PTP4A1: variants seen among roughly 807,000 people sequenced by gnomAD.
PTP4A1 encodes the protein protein tyrosine phosphatase 4A1.
PTP4A1 carries 9 observed loss-of-function variants against 20.5 expected under a neutral mutation model. The ratio of observed to expected loss-of-function variants is 0.44; its 90% CI spans 0.26 to 0.77. PTP4A1 has a LOEUF of 0.77. PTP4A1 is among the 30% of genes least tolerant of loss of function. PTP4A1 has a pLI of 0.19. For missense variants in PTP4A1, 137 were observed against 218.8 expected, an observed-to-expected ratio of 0.63 and a Z score of 2.36; for synonymous variants, 78 against 67.4, an observed-to-expected ratio of 1.16 and a Z score of -0.77.
intron 2 of PTP4A1, among the ~76,000 whole-genome samples, chr6:63,548,282 T>C (rs1226369405): frequency 2.0e-5 from 3 of 152,208 alleles, no homozygotes; most frequent in Admixed American, 1.3e-4. Context: ...GTGACATAAC[T>C]TTTCTGTACC....
Position 63,579,040 on chromosome 6 carries a change from T to C in PTP4A1, c.329+12T>C. The stretch of plus-strand genomic sequence containing the variant: ...GCAGGCCTTGGGAGGTAAATGAATT[T>C]ATCAATTTGATTCTAGGTAAAAATC... On this transcript the variant is annotated intron_variant, in intron 4 of 5. Coordinates refer to ENST00000626021, the MANE Select transcript of PTP4A1 (RefSeq NM_003463.5). 2 of 1,563,112 alleles carry C rather than the reference T, an allele frequency of 1.3e-6. No homozygotes were observed. The highest frequency in any genetic ancestry group is 1.4e-5 in the African/African-American group (1 of 72,550).
At chr6:63,560,460 G>A (rs545073598) in intron 3 of PTP4A1, among the ~76,000 whole-genome samples, 1 of 149,918 alleles carries the variant, frequency 6.7e-6, no homozygotes, top group South Asian at 2.1e-4. Flanking sequence ...GGAAGGCAGT[G>A]CACATGATCT....
At chr6:63,556,523 T>C (rs1444043973) in intron 3 of PTP4A1, among the ~76,000 whole-genome samples, 2 of 152,140 alleles carry the variant, frequency 1.3e-5, no homozygotes, top group East Asian at 3.9e-4. Context: ...TTGCCCTAGG[T>C]GTGCCTTGTT....
chr6:63,577,533 G>T (rs1207945664), intron 2 of PTP4A1, among the ~76,000 whole-genome samples: 1 of 152,070 alleles, frequency 6.6e-6, no homozygotes, highest in Non-Finnish European at 1.5e-5. Flanking sequence ...TAGCAAATAG[G>T]CCTCTCAGAA....
intron 1 of PTP4A1, among the ~76,000 whole-genome samples, chr6:63,526,833 A>ATATATATATATATATATATATT (rs1486980690): frequency 7.8e-6 from 1 of 128,054 alleles, no homozygotes; most frequent in African/African-American, 3.2e-5. Flanking sequence ...ATATATATAT[A>ATATATATATATATATATATATT]TATTTATTTA....
intron 2 of PTP4A1, among the ~76,000 whole-genome samples, chr6:63,533,821 G>A (rs1443838660): frequency 6.9e-6 from 1 of 144,452 alleles, no homozygotes; most frequent in East Asian, 2.0e-4. Flanking sequence ...GCAAATTCCT[G>A]AACAAACTTT....
At chr6:63,539,802 C>G (rs1775877397) in intron 2 of PTP4A1, among the ~76,000 whole-genome samples, 1 of 151,758 alleles carries the variant, frequency 6.6e-6, no homozygotes, top group Non-Finnish European at 1.5e-5. Flanking sequence ...TATGAATAGG[C>G]AATCTTCAGA....
chr6:63,527,181 C>A (rs1257081312), intron 1 of PTP4A1, among the ~76,000 whole-genome samples: 1 of 152,154 alleles, frequency 6.6e-6, no homozygotes, highest in Admixed American at 6.5e-5. Flanking sequence ...TACAGTGAGT[C>A]TTCCTCAGAA....
In PTP4A1 at chr6:63,539,578, C is replaced by G. The variant is rs780222074; in HGVS notation, c.-639-10722C>G. Among the ~76,000 whole-genome samples the G allele has an allele frequency of 2.3e-4, 35 of 152,188 alleles. 1 individual carries two copies. Among genetic ancestry groups the G allele is most frequent in the Middle Eastern group, 6.8e-3 (2 of 292 alleles). On this transcript the variant is annotated intron_variant, in intron 2 of 3. Transcript: ENST00000639568. ...AGATCACGAGGTCAGGAGTTCAAGACCATCCTGGCCAACATGGTGAAACCC... is the reference window on the plus strand; with the variant it reads ...AGATCACGAGGTCAGGAGTTCAAGAGCATCCTGGCCAACATGGTGAAACCC...
At chr6:63,530,075 A>G (rs2149476905) in intron 2 of PTP4A1, among the ~76,000 whole-genome samples, 1 of 152,326 alleles carries the variant, frequency 6.6e-6, no homozygotes, top group South Asian at 2.1e-4. Context: ...GGCAAGGATA[A>G]TAACAGTATA....
upstream of PTP4A1, chr6:63,572,112 C>T (rs1200416834): frequency 6.6e-6 from 1 of 152,268 alleles, no homozygotes; most frequent in Non-Finnish European, 1.5e-5. Flanking sequence ...AACTTCGAGT[C>T]TCCTCATGTG....
intron 3 of PTP4A1, among the ~76,000 whole-genome samples, chr6:63,552,287 T>G (rs1001822991): frequency 1.3e-5 from 2 of 152,260 alleles, no homozygotes; most frequent in African/African-American, 2.4e-5. Flanking sequence ...TGGCCAGTGA[T>G]GGTGAGCATT....
chr6:63,566,056 C>A (rs1483199659), intron 3 of PTP4A1, among the ~76,000 whole-genome samples: 3 of 152,226 alleles, frequency 2.0e-5, no homozygotes, highest in African/African-American at 4.8e-5. Context: ...ACATTGTTGT[C>A]TGTTAAATGT....
upstream of PTP4A1, among the ~76,000 whole-genome samples, chr6:63,520,769 T>G (rs1774890715): frequency 6.6e-6 from 1 of 152,204 alleles, no homozygotes; most frequent in Non-Finnish European, 1.5e-5. Flanking sequence ...ATATGATTAG[T>G]GTCAGAGTTA....
At chr6:63,573,942 C>T (rs575957333) in intron 1 of PTP4A1, among the ~76,000 whole-genome samples, 188 of 152,220 alleles carry the variant, frequency 1.2e-3, no homozygotes, top group African/African-American at 4.2e-3. Context: ...ATGTTGTTGC[C>T]TCCTGTTGGT....
upstream of PTP4A1, among the ~76,000 whole-genome samples, chr6:63,519,382 G>A (rs965061063): frequency 6.6e-6 from 1 of 152,114 alleles, no homozygotes; most frequent in Non-Finnish European, 1.5e-5. Context: ...GTCAAGTCAG[G>A]TCAGGTTTTG....
chr6:63,574,887 T>G (rs1777750595), intron 1 of PTP4A1, among the ~76,000 whole-genome samples: 1 of 152,220 alleles, frequency 6.6e-6, no homozygotes, highest in East Asian at 1.9e-4. Flanking sequence ...GGCTTTGTAA[T>G]TTAGACACTT....
In PTP4A1 at chr6:63,583,499, T is replaced by A. The variant is rs1407492436; in HGVS notation, c.*3325T>A. ...TTCAATGAATTAAACCAGTGATATGTGTTAACGTATGAATGAAAGGATTGA... is the reference window on the plus strand; with the variant it reads ...TTCAATGAATTAAACCAGTGATATGAGTTAACGTATGAATGAAAGGATTGA... On this transcript the variant is annotated 3_prime_UTR_variant, in exon 6 of 6. Coordinates refer to ENST00000626021, the MANE Select transcript of PTP4A1 (RefSeq NM_003463.5). 2 of 152,222 alleles carry A rather than the reference T, an allele frequency of 1.3e-5. No individual in the cohort carries two copies. Among genetic ancestry groups the A allele is most frequent in the African/African-American group, 4.8e-5 (2 of 41,462 alleles). The allele number at this position is 152,222 out of a possible 1,614,324, so 9.4% of individuals were successfully genotyped here.
At chr6:63,543,698 C>A (rs1450320432) in intron 2 of PTP4A1, among the ~76,000 whole-genome samples, 1 of 152,058 alleles carries the variant, frequency 6.6e-6, no homozygotes, top group Non-Finnish European at 1.5e-5. Context: ...AGAAATAAAC[C>A]CTAATCTTTA....
Sources: gnomAD v4.1 joint callset for allele counts (sites outside exome capture counted in the v4.1 genomes callset) on GRCh38, gnomAD v4.1.1 for gene constraint, MANE v1.5 for transcripts, NCBI Gene and HGNC (gene_info 2026-07-23, HGNC 2026-07-21) for gene names.